Variants in CREBBP observed in about 807,000 individuals in gnomAD.
CREBBP encodes the protein CREB-binding protein.
A neutral mutation model predicts 265.0 loss-of-function variants in CREBBP; 19 were observed. The observed-to-expected ratio is 0.07, with a 90% CI of 0.05 to 0.11. The LOEUF is 0.11. CREBBP is among the 10% of genes least tolerant of loss of function. The probability of loss-of-function intolerance (pLI) is 1.00; values close to 1 mark genes in which losing one functional copy is unlikely to be tolerated. For synonymous variants in CREBBP, 1,457 were observed against 1,223.7 expected, an observed-to-expected ratio of 1.19 and a Z score of -3.98; for missense variants, 2,525 against 3,219.0, an observed-to-expected ratio of 0.78 and a Z score of 5.22.
At chr16:3,782,543 G>C in intron 6 of CREBBP, 141 bp downstream of exon 6, 2 of 1,137,478 alleles carry the variant, frequency 1.8e-6, no homozygotes, top group African/African-American at 1.6e-5. Flanking sequence ...AGATACTTCA[G>C]CTTTTTCCTG....
intron 26 of CREBBP, among the ~76,000 whole-genome samples, chr16:3,737,549 T>C (rs899367436): frequency 4.6e-5 from 7 of 150,584 alleles, no homozygotes; most frequent in African/African-American, 1.5e-4. Flanking sequence ...ATCCTCTGTC[T>C]CCCTGGTTCG....
intron 1 of CREBBP, among the ~76,000 whole-genome samples, chr16:3,851,223 G>A (rs1597055348): frequency 6.7e-6 from 1 of 148,242 alleles, no homozygotes; most frequent in Non-Finnish European, 1.5e-5. Context: ...GGGAGGTGGA[G>A]GATGCGGTGA....
At chr16:3,789,027 A>T (rs1028244905) in intron 5 of CREBBP, among the ~76,000 whole-genome samples, 21 of 152,264 alleles carry the variant, frequency 1.4e-4, no homozygotes, top group Non-Finnish European at 1.5e-4. Flanking sequence ...CATTTCAAAG[A>T]ACCTCAGATT....
At chr16:3,805,627 T>C (rs374963496) in intron 3 of CREBBP, among the ~76,000 whole-genome samples, 2 of 152,092 alleles carry the variant, frequency 1.3e-5, no homozygotes, top group East Asian at 1.9e-4. Flanking sequence ...GATCACAATC[T>C]AGACAGGGGA....
chr16:3,855,444 T>G (rs182240487), intron 1 of CREBBP, among the ~76,000 whole-genome samples: 328 of 152,268 alleles, frequency 2.2e-3, no homozygotes, highest in Non-Finnish European at 3.8e-3. Flanking sequence ...TTTGTATTTT[T>G]AGTAGAGACG....
chr16:3,758,150 C>G (rs2151384571), intron 17 of CREBBP, 102 bp from the exon 18 acceptor site: 1 of 1,248,590 alleles, frequency 8.0e-7, no homozygotes, highest in Non-Finnish European at 1.1e-6. Flanking sequence ...CAGAAAGCAC[C>G]AAAATAACTT....
chr16:3,829,491 G>A (rs528879531), intron 2 of CREBBP, among the ~76,000 whole-genome samples: 1 of 152,278 alleles, frequency 6.6e-6, no homozygotes, highest in African/African-American at 2.4e-5. Context: ...AAGGAATTGT[G>A]AATTGAACAG....
At chr16:3,879,054 T>C (rs1232093896) in intron 1 of CREBBP, among the ~76,000 whole-genome samples, 1 of 151,720 alleles carries the variant, frequency 6.6e-6, no homozygotes, top group Non-Finnish European at 1.5e-5. Flanking sequence ...ATCTACACTG[T>C]GAAAGCAACA....
chr16:3,827,878 G>A (rs1298054789), intron 2 of CREBBP, among the ~76,000 whole-genome samples: 1 of 151,948 alleles, frequency 6.6e-6, no homozygotes, highest in Non-Finnish European at 1.5e-5. Context: ...GTTTTGTAGA[G>A]ATGGAGTCTC....
intron 16 of CREBBP, among the ~76,000 whole-genome samples, chr16:3,763,914 G>A (rs1197149391): frequency 2.1e-5 from 3 of 144,040 alleles, no homozygotes; most frequent in Non-Finnish European, 3.0e-5. Context: ...GCATAATCTC[G>A]GCTCACTGCA....
chr16:3,830,021 A>G (rs1286062259), intron 2 of CREBBP, among the ~76,000 whole-genome samples: 2 of 152,208 alleles, frequency 1.3e-5, no homozygotes, highest in African/African-American at 2.4e-5. Context: ...ACTAAACACT[A>G]CAATTAAAAG....
chr16:3,764,828 C>T (rs1283859925), intron 16 of CREBBP, among the ~76,000 whole-genome samples: 1 of 152,074 alleles, frequency 6.6e-6, no homozygotes, highest in Non-Finnish European at 1.5e-5. Context: ...AGTGATCCTC[C>T]CACTTTGGCC....
At chr16:3,738,076 G>A (rs1414957522) in intron 26 of CREBBP, among the ~76,000 whole-genome samples, 1 of 151,416 alleles carries the variant, frequency 6.6e-6, no homozygotes, top group African/African-American at 2.4e-5. Flanking sequence ...GTGAGCCACC[G>A]CGCCCGGCCT....
At chr16:3,814,673 T>G (rs2054004956) in intron 2 of CREBBP, among the ~76,000 whole-genome samples, 1 of 152,054 alleles carries the variant, frequency 6.6e-6, no homozygotes, top group Non-Finnish European at 1.5e-5. Flanking sequence ...AAGGAAACAG[T>G]CTCAACAAGT....
chr16:3,843,489 T>C (rs1210795623), intron 2 of CREBBP, among the ~76,000 whole-genome samples: 1 of 150,768 alleles, frequency 6.6e-6, no homozygotes, highest in Non-Finnish European at 1.5e-5. Context: ...GGTGTGATCA[T>C]GGCTCACTGC....
chr16:3,813,562 G>C (rs1215109144), intron 2 of CREBBP, among the ~76,000 whole-genome samples: 1 of 152,082 alleles, frequency 6.6e-6, no homozygotes, highest in Non-Finnish European at 1.5e-5. Context: ...TAGAAGCCTA[G>C]AATTTGAATA....
At chr16:3,786,186 T>G (rs1055982458) in intron 5 of CREBBP, among the ~76,000 whole-genome samples, 14 of 152,122 alleles carry the variant, frequency 9.2e-5, no homozygotes, top group Admixed American at 2.0e-4. Context: ...AATAACATGG[T>G]GAAACCCCAT....
chr16:3,727,564 AT>A lies in CREBBP; in HGVS notation c.*153del. On this transcript the variant is annotated 3_prime_UTR_variant, in exon 31 of 31. Coordinates refer to ENST00000262367, the MANE Select transcript of CREBBP (RefSeq NM_004380.3). Reference sequence around the variant, plus strand: ...AAATCAACTGGTTTTTAACAAAAAAATATATTCTTTGTATTGTTTCTTTAAA... The same window carrying A: ...AAATCAACTGGTTTTTAACAAAAAAAATATTCTTTGTATTGTTTCTTTAAA... The A allele has an allele frequency of 1.6e-6, 2 of 1,270,512 alleles. No homozygotes were observed. The highest frequency in any genetic ancestry group is 1.6e-5 in the South Asian group (1 of 61,852). The allele number at this position is 1,270,512 out of a possible 1,614,324, so 78.7% of individuals were successfully genotyped here.
intron 19 of CREBBP, among the ~76,000 whole-genome samples, chr16:3,755,937 G>A (rs1267862383): frequency 6.6e-6 from 1 of 151,946 alleles, no homozygotes; most frequent in African/African-American, 2.4e-5. Flanking sequence ...AAAAGGCTTA[G>A]GAACCTTTTT....
Sources: allele counts gnomAD v4.1 joint callset (sites outside exome capture counted in the v4.1 genomes callset), GRCh38; gene constraint gnomAD v4.1.1; transcripts MANE v1.5; gene names NCBI Gene and HGNC (gene_info 2026-07-23, HGNC 2026-07-21).